METTL15: variants seen among roughly 807,000 people sequenced by gnomAD.
The protein encoded by METTL15 is methyltransferase 15, mitochondrial 12S rRNA N4-cytidine, also known as 12S rRNA N(4)-cytidine methyltransferase METTL15.
Under a neutral mutation model 38.3 loss-of-function variants are expected in METTL15, and 34 were observed. That is an observed-to-expected ratio of 0.89 (90% CI 0.68 to 1.18). METTL15 has a LOEUF of 1.18. METTL15 is among the 50% of genes most tolerant of loss of function. The probability of loss-of-function intolerance (pLI) is 0.00; values close to 1 mark genes in which losing one functional copy is unlikely to be tolerated. For missense variants in METTL15, 438 were observed against 498.4 expected (o/e 0.88, Z 1.15); for synonymous variants, 162 against 170.9 (o/e 0.95, Z 0.41).
At chr11:28,453,969 G>A (rs1196989190) in intron 6 of METTL15, among the ~76,000 whole-genome samples, 1 of 152,162 alleles carries the variant, frequency 6.6e-6, no homozygotes, top group Non-Finnish European at 1.5e-5. Context: ...TAATCATACT[G>A]TATTATTGAG....
intron 4 of METTL15, among the ~76,000 whole-genome samples, chr11:28,281,102 C>T (rs1286931484): frequency 6.6e-6 from 1 of 152,132 alleles, no homozygotes; most frequent in African/African-American, 2.4e-5. Flanking sequence ...ATTTGAGAGT[C>T]TTGAAGGTGC....
intron 6 of METTL15, among the ~76,000 whole-genome samples, chr11:28,478,201 T>A (rs1205598697): frequency 6.6e-6 from 1 of 152,218 alleles, no homozygotes; most frequent in East Asian, 1.9e-4. Context: ...AAATAAACTG[T>A]AAATCCTAAG....
At chr11:28,466,346 A>G (rs2133459681) in intron 6 of METTL15, among the ~76,000 whole-genome samples, 1 of 152,370 alleles carries the variant, frequency 6.6e-6, no homozygotes, top group East Asian at 1.9e-4. Context: ...AGATAAACCT[A>G]CAATAAAATA....
chr11:28,378,920 G>A (rs992311791), intron 5 of METTL15, among the ~76,000 whole-genome samples: 1 of 151,936 alleles, frequency 6.6e-6, no homozygotes, highest in East Asian at 1.9e-4. Context: ...GTTTGGTGAG[G>A]TTTCCTCTTT....
chr11:28,500,227 C>A (rs1851571281), intron 6 of METTL15, among the ~76,000 whole-genome samples: 1 of 152,172 alleles, frequency 6.6e-6, no homozygotes, highest in African/African-American at 2.4e-5. Context: ...TACTACTATG[C>A]TGCATTGCCT....
chr11:28,220,542 G>C (rs552097628), intron 4 of METTL15, among the ~76,000 whole-genome samples: 1 of 152,194 alleles, frequency 6.6e-6, no homozygotes. Flanking sequence ...CTTTTAATTG[G>C]AGCATTTAGC....
intron 4 of METTL15, among the ~76,000 whole-genome samples, chr11:28,252,848 C>T (rs776803335): frequency 6.6e-6 from 1 of 152,144 alleles, no homozygotes; most frequent in Non-Finnish European, 1.5e-5. Flanking sequence ...TTTCTTTCCA[C>T]TCCTGCAATC....
At chr11:28,432,235 A>G (rs1850938815) in intron 6 of METTL15, among the ~76,000 whole-genome samples, 1 of 152,238 alleles carries the variant, frequency 6.6e-6, no homozygotes, top group Non-Finnish European at 1.5e-5. Context: ...GAGCTGGAAA[A>G]GAAAAGGCAA....
intron 3 of METTL15, among the ~76,000 whole-genome samples, chr11:28,149,906 G>A (rs1230002152): frequency 6.6e-6 from 1 of 151,952 alleles, no homozygotes; most frequent in South Asian, 2.1e-4. Context: ...GAGATGCCTT[G>A]CAATTGGAAA....
rs569204830 is a variant in METTL15 at position 28,233,646 on chromosome 11, A to G, written c.407+22448A>G. On this transcript the variant is annotated intron_variant, in intron 4 of 6. Transcript: ENST00000407364. Reference sequence around the variant, plus strand: ...GAAATAAATGCTAATTATTGTTACCATAACAGTTGTTTCTCCTGCTTTTAT... The same window carrying G: ...GAAATAAATGCTAATTATTGTTACCGTAACAGTTGTTTCTCCTGCTTTTAT... Among the ~76,000 whole-genome samples the G allele has an allele frequency of 1.3e-4, 20 of 152,214 alleles. 2 individuals carry two copies. The South Asian group carries it at 4.1e-3, about 32-fold the overall frequency.
At chr11:28,465,533 A>G (rs996764035) in intron 6 of METTL15, among the ~76,000 whole-genome samples, 1 of 152,064 alleles carries the variant, frequency 6.6e-6, no homozygotes, top group African/African-American at 2.4e-5. Flanking sequence ...TCATACTCAA[A>G]ATCTCTAAGG....
chr11:28,214,812 T>G (rs1281264821), intron 4 of METTL15, among the ~76,000 whole-genome samples: 3 of 152,146 alleles, frequency 2.0e-5, no homozygotes, highest in Non-Finnish European at 4.4e-5. Context: ...CTCCAAATAC[T>G]TATAAAATTA....
intron 6 of METTL15, among the ~76,000 whole-genome samples, chr11:28,517,846 C>T (rs139043560): frequency 6.8e-4 from 103 of 152,306 alleles, no homozygotes; most frequent in Middle Eastern, 3.4e-3. Context: ...TTCAGCTGCA[C>T]GGGGAACAAT....
chr11:28,237,653 G>A (rs187053877), intron 4 of METTL15, among the ~76,000 whole-genome samples: 10 of 152,210 alleles, frequency 6.6e-5, no homozygotes, highest in Non-Finnish European at 8.8e-5. Flanking sequence ...GAGGAACTGC[G>A]TTCCTTTGGA....
At chr11:28,459,468 A>G (rs1331252713) in intron 6 of METTL15, among the ~76,000 whole-genome samples, 3 of 152,196 alleles carry the variant, frequency 2.0e-5, no homozygotes, top group African/African-American at 7.2e-5. Context: ...TCATAGTGCC[A>G]TCTTACCTTG....
intron 4 of METTL15, among the ~76,000 whole-genome samples, chr11:28,245,360 G>A (rs1022049897): frequency 7.9e-5 from 12 of 152,134 alleles, no homozygotes; most frequent in African/African-American, 2.7e-4. Flanking sequence ...AAGAGAAACA[G>A]TGATACCCAA....
intron 3 of METTL15, among the ~76,000 whole-genome samples, chr11:28,191,410 T>G (rs1851696126): frequency 6.6e-6 from 1 of 151,384 alleles, no homozygotes; most frequent in Non-Finnish European, 1.5e-5. Context: ...GTTGAAGGGA[T>G]TAAAATAGAA....
chr11:28,505,262 TAG>T (rs955614548), intron 6 of METTL15, among the ~76,000 whole-genome samples: 4 of 152,196 alleles, frequency 2.6e-5, no homozygotes, highest in African/African-American at 7.2e-5. Context: ...AATTCTCAAA[TAG>T]GTTTGCCACC....
intron 5 of METTL15, among the ~76,000 whole-genome samples, chr11:28,382,415 C>T (rs1386720132): frequency 6.6e-6 from 1 of 152,112 alleles, no homozygotes; most frequent in Non-Finnish European, 1.5e-5. Flanking sequence ...CATGAAAAAA[C>T]CCAAAATGGC....
Sources: gnomAD v4.1 joint callset for allele counts (sites outside exome capture counted in the v4.1 genomes callset) on GRCh38, gnomAD v4.1.1 for gene constraint, MANE v1.5 for transcripts, NCBI Gene and HGNC (gene_info 2026-07-23, HGNC 2026-07-21) for gene names.